Variants in LARGE1 observed in about 807,000 individuals in gnomAD.
The protein encoded by LARGE1 is LARGE xylosyl- and glucuronyltransferase 1.
A neutral mutation model predicts 87.6 loss-of-function variants in LARGE1; 43 were observed. That is an observed-to-expected ratio of 0.49 (90% confidence interval 0.38 to 0.63). The LOEUF is 0.63. LARGE1 is among the 30% of genes least tolerant of loss of function. The pLI is 0.00. For synonymous variants in LARGE1, 434 were observed against 394.6 expected (o/e 1.10, Z -1.18); for missense variants, 802 against 1,000.2 (o/e 0.80, Z 2.67).
chr22:33,837,372 A>G (rs5754713), intron 1 of LARGE1, among the ~76,000 whole-genome samples: 100,175 of 151,806 alleles, frequency 0.66, 33,902 homozygotes, highest in African/African-American at 0.83. Context: ...TTATATATAC[A>G]TGTGTGTATG....
rs116804300 is a variant in LARGE1 at position 33,893,200 on chromosome 22, T to C, written c.-83+26795A>G. On this transcript the variant is annotated intron_variant, in intron 1 of 14. Coordinates refer to ENST00000397394, the MANE Select transcript of LARGE1 (RefSeq NM_133642.5). ...ATTACAAAGTAACCGCTAAAGAAAA[T>C]ACATTTTAATTGAGAAAGAAAACAC... 7.6e-3 allele frequency among the ~76,000 whole-genome samples: 1,154 copies of C among 152,190 alleles called. 20 individuals are homozygous for C. Among genetic ancestry groups the C allele is most frequent in the African/African-American group, 0.026 (1,084 of 41,522 alleles).
the LARGE1 span, among the ~76,000 whole-genome samples, chr22:33,096,587 C>CA: frequency 3.6e-5 from 5 of 137,086 alleles, no homozygotes; most frequent in Admixed American, 3.9e-4. Flanking sequence ...TTTTTTGAGA[C>CA]AGAGTCTCGC....
intron 1 of LARGE1, among the ~76,000 whole-genome samples, chr22:33,911,552 T>C (rs1379267832): frequency 2.0e-5 from 3 of 152,180 alleles, no homozygotes; most frequent in Non-Finnish European, 4.4e-5. Context: ...CTAAGTCATT[T>C]CATAATCATC....
At chr22:33,467,686 C>T (rs2068671517) in intron 6 of LARGE1, among the ~76,000 whole-genome samples, 1 of 152,200 alleles carries the variant, frequency 6.6e-6, no homozygotes, top group African/African-American at 2.4e-5. Context: ...GGCACTGGTT[C>T]CAAATGGCAT....
intron 5 of LARGE1, among the ~76,000 whole-genome samples, chr22:33,596,870 A>G (rs529744697): frequency 1.3e-5 from 2 of 152,310 alleles, no homozygotes; most frequent in East Asian, 3.9e-4. Flanking sequence ...AATAAAGGAG[A>G]GCCAGAAATA....
At chr22:33,098,374 C>A in the LARGE1 span, among the ~76,000 whole-genome samples, 1 of 152,172 alleles carries the variant, frequency 6.6e-6, no homozygotes, top group Non-Finnish European at 1.5e-5. Context: ...AATCCCAGCA[C>A]TTTGGGAGGC....
intron 1 of LARGE1, among the ~76,000 whole-genome samples, chr22:33,879,653 T>A (rs922327905): frequency 6.6e-6 from 1 of 152,254 alleles, no homozygotes; most frequent in African/African-American, 2.4e-5. Flanking sequence ...AAGCCAATAC[T>A]GTTCTCTCCC....
chr22:33,629,949 A>T (rs1171358610), intron 3 of LARGE1, among the ~76,000 whole-genome samples: 1 of 152,186 alleles, frequency 6.6e-6, no homozygotes, highest in Non-Finnish European at 1.5e-5. Flanking sequence ...TTGCAATCCC[A>T]GCCCTTTGGG....
chr22:33,337,506 A>G (rs1938600997), intron 10 of LARGE1, 140 bp downstream of exon 10: 6 of 935,722 alleles, frequency 6.4e-6, no homozygotes, highest in Admixed American at 6.1e-5. Flanking sequence ...CCCCGACTAG[A>G]TGGTGGACCC....
chr22:33,635,947 C>A (rs552827636), intron 3 of LARGE1, among the ~76,000 whole-genome samples: 1 of 152,110 alleles, frequency 6.6e-6, no homozygotes, highest in East Asian at 1.9e-4. Context: ...CAGGGCTCAG[C>A]GAGGAACAGG....
At chr22:33,226,724 T>G (rs1231270744) in intron 11 of LARGE1, among the ~76,000 whole-genome samples, 1 of 115,742 alleles carries the variant, frequency 8.6e-6, no homozygotes, top group Non-Finnish European at 1.7e-5. Context: ...ATTATTATTA[T>G]TATTTATTAT....
intron 11 of LARGE1, among the ~76,000 whole-genome samples, chr22:33,167,328 A>T (rs1922327173): frequency 6.6e-6 from 1 of 152,248 alleles, no homozygotes; most frequent in Non-Finnish European, 1.5e-5. Flanking sequence ...CAGCTAGGAA[A>T]GCACATATCC....
intron 11 of LARGE1, among the ~76,000 whole-genome samples, chr22:33,246,418 GA>G (rs1470700070): frequency 6.6e-6 from 1 of 152,120 alleles, no homozygotes; most frequent in Non-Finnish European, 1.5e-5. Context: ...GGCTGAGCGG[GA>G]TGGATCACCT....
intron 1 of LARGE1, among the ~76,000 whole-genome samples, chr22:33,886,402 G>A (rs1255795059): frequency 6.6e-6 from 1 of 152,110 alleles, no homozygotes; most frequent in Non-Finnish European, 1.5e-5. Context: ...AGTGGACTGG[G>A]CACAATGGCT....
At chr22:33,095,109 C>G in the LARGE1 span, among the ~76,000 whole-genome samples, 5 of 152,222 alleles carry the variant, frequency 3.3e-5, no homozygotes, top group African/African-American at 7.2e-5. Flanking sequence ...GTTCATGCAT[C>G]TCTCTCCTCC....
intron 7 of LARGE1, among the ~76,000 whole-genome samples, chr22:33,399,088 T>C (rs2065850287): frequency 1.3e-5 from 2 of 152,228 alleles, no homozygotes; most frequent in African/African-American, 2.4e-5. Flanking sequence ...ATCTAGGTTT[T>C]AAGCCCTTCA....
At chr22:33,178,898 T>C (rs1238607969) in intron 11 of LARGE1, among the ~76,000 whole-genome samples, 4 of 152,304 alleles carry the variant, frequency 2.6e-5, no homozygotes, top group African/African-American at 7.2e-5. Flanking sequence ...GACTGGGTAA[T>C]TTATAAAGAA....
At chr22:33,834,467 C>G (rs557360706) in intron 1 of LARGE1, among the ~76,000 whole-genome samples, 1 of 152,292 alleles carries the variant, frequency 6.6e-6, no homozygotes, top group African/African-American at 2.4e-5. Context: ...AAAGCTCCCC[C>G]AGTGAGCACC....
intron 12 of LARGE1, among the ~76,000 whole-genome samples, chr22:33,298,560 C>T (rs1006118956): frequency 1.3e-5 from 2 of 152,188 alleles, no homozygotes; most frequent in Admixed American, 6.5e-5. Flanking sequence ...TGGTGGCTCA[C>T]GCCTGTAATC....
Sources: gnomAD v4.1 joint callset for allele counts (sites outside exome capture counted in the v4.1 genomes callset) on GRCh38, gnomAD v4.1.1 for gene constraint, MANE v1.5 for transcripts, NCBI Gene and HGNC (gene_info 2026-07-23, HGNC 2026-07-21) for gene names.